Variants in ICA1L observed in about 807,000 individuals in gnomAD.
ICA1L encodes islet cell autoantigen 1 like.
A neutral mutation model predicts 61.3 loss-of-function variants in ICA1L; 50 were observed. The ratio of observed to expected loss-of-function variants is 0.82; its 90% CI spans 0.65 to 1.03. ICA1L has a LOEUF of 1.03. Among genes scored for constraint, ICA1L ranks in the 50% least tolerant of loss-of-function variants. The pLI is 0.00. For missense variants in ICA1L, 508 were observed against 556.7 expected (o/e 0.91, Z 0.88); for synonymous variants, 161 against 191.3 (o/e 0.84, Z 1.31).
intron 9 of ICA1L, among the ~76,000 whole-genome samples, chr2:202,808,881 A>G (rs554612628): frequency 3.3e-5 from 5 of 152,334 alleles, no homozygotes; most frequent in Admixed American, 6.5e-5. Flanking sequence ...CAACAACTCA[A>G]TGTTCTTTGA....
Position 202,779,414 on chromosome 2 carries a change from G to GTGT in ICA1L, c.*116_*118dup, listed in dbSNP as rs1318299859. On this transcript the variant is annotated 3_prime_UTR_variant, in exon 13 of 13. Coordinates refer to ENST00000358299, the MANE Select transcript of ICA1L (RefSeq NM_001288622.3). ...CCATCTGTCTAAAGTTGGCTGACAG[G>GTGT]TGTTATATTCACAAACACCGTGCTT... 33 of 587,564 alleles carry GTGT rather than the reference G, an allele frequency of 5.6e-5. 1 individual carries two copies. The highest frequency in any genetic ancestry group is 9.3e-5 in the Non-Finnish European group (31 of 335,062). 36.4% of individuals were successfully genotyped at this position (587,564 alleles called of 1,614,324 possible).
intron 1 of ICA1L, among the ~76,000 whole-genome samples, chr2:202,869,350 CTG>C (rs1687626418): frequency 6.6e-6 from 1 of 152,040 alleles, no homozygotes; most frequent in African/African-American, 2.4e-5. Flanking sequence ...GAGCGAGACT[CTG>C]TCTCAAAAAA....
Position 202,785,937 on chromosome 2 carries a change from A to C in ICA1L, c.1314T>G (p.Ser438Arg). Residue 438 changes from serine (S) to arginine (R), a missense_variant, in exon 12 of 13, where the codon AGT (serine) becomes AGG (arginine). Transcript: ENST00000358299. ...HTDNQPVPSQ[S>R]PKKLTRSPNN... is the part of the protein sequence containing the mutation. The stretch of plus-strand genomic sequence containing the variant: ...ACTTACATCTTGTTAATTTCTTTGG[A>C]CTCTGTGAAGGCACTGGCTGGTTAT... The C allele has an allele frequency of 6.3e-7, 1 of 1,592,298 alleles. No homozygotes were observed. Among genetic ancestry groups the C allele is most frequent in the Non-Finnish European group, 8.6e-7 (1 of 1,162,388 alleles).
chr2:202,804,345 G>A (rs1273728642), intron 9 of ICA1L, among the ~76,000 whole-genome samples: 1 of 152,222 alleles, frequency 6.6e-6, no homozygotes, highest in African/African-American at 2.4e-5. Flanking sequence ...AGCTGTGTAA[G>A]GGATAAAAAT....
chr2:202,812,868 T>C (rs1693418931), intron 8 of ICA1L, among the ~76,000 whole-genome samples: 1 of 152,182 alleles, frequency 6.6e-6, no homozygotes, highest in South Asian at 2.1e-4. Flanking sequence ...CTCATAATGC[T>C]AAAGATACAT....
At chr2:202,852,333 C>G (rs1287929760) in intron 1 of ICA1L, among the ~76,000 whole-genome samples, 1 of 152,050 alleles carries the variant, frequency 6.6e-6, no homozygotes, top group Non-Finnish European at 1.5e-5. Flanking sequence ...CACTGTCTTC[C>G]ACAATGGTTG....
chr2:202,773,648 T>A lies in ICA1L; in HGVS notation c.*5885A>T. 1.4e-6 allele frequency: 1 copy of A among 703,088 alleles called. No individual in the cohort carries two copies. Among genetic ancestry groups the A allele is most frequent in the Non-Finnish European group, 2.4e-6 (1 of 416,044 alleles). 43.6% of individuals were successfully genotyped at this position (703,088 alleles called of 1,614,324 possible). A position where few individuals can be genotyped will look rare whatever the true frequency, so the allele number is the denominator to read the frequency against. On this transcript the variant is annotated 3_prime_UTR_variant, in exon 13 of 13. Coordinates refer to ENST00000358299, the MANE Select transcript of ICA1L (RefSeq NM_001288622.3). Reference sequence around the variant, plus strand: ...CCTCTTTCCCACAAACTAAATTCCATCCATTTGAGCTTTCAGAGATAGATG... The same window carrying A: ...CCTCTTTCCCACAAACTAAATTCCAACCATTTGAGCTTTCAGAGATAGATG...
chr2:202,864,608 T>C (rs535055639), intron 1 of ICA1L, among the ~76,000 whole-genome samples: 1 of 151,442 alleles, frequency 6.6e-6, no homozygotes, highest in South Asian at 2.1e-4. Context: ...TGTATGTATA[T>C]GTGTGTGTGT....
intron 9 of ICA1L, among the ~76,000 whole-genome samples, chr2:202,804,310 G>A (rs1434004036): frequency 6.6e-6 from 1 of 152,202 alleles, no homozygotes; most frequent in East Asian, 1.9e-4. Context: ...CCAGCCAATG[G>A]AGACAGGACA....
chr2:202,786,318 G>A (rs1447660752), intron 11 of ICA1L, among the ~76,000 whole-genome samples: 3 of 151,386 alleles, frequency 2.0e-5, no homozygotes, highest in African/African-American at 4.9e-5. Flanking sequence ...AGGCCGAGGC[G>A]GGTGGATCAT....
At chr2:202,796,015 C>T (rs1420937212) in intron 10 of ICA1L, among the ~76,000 whole-genome samples, 1 of 150,746 alleles carries the variant, frequency 6.6e-6, no homozygotes, top group Non-Finnish European at 1.5e-5. Context: ...TGCTCTTCAG[C>T]CTGGATGACA....
In ICA1L at chr2:202,773,825, T is replaced by C; in HGVS notation, c.*5708A>G. The C allele has an allele frequency of 7.2e-7, 1 of 1,382,364 alleles. No individual in the cohort carries two copies. The highest frequency in any genetic ancestry group is 1.7e-5 in the Admixed American group (1 of 59,310). 85.6% of individuals were successfully genotyped at this position (1,382,364 alleles called of 1,614,324 possible). A position where few individuals can be genotyped will look rare whatever the true frequency, so the allele number is the denominator to read the frequency against. ...GCAGGCTGTAAAAGCAAAGGCTAGCTGTGCAAGTGCAGCCCTGTGGGAAGT... is the reference window on the plus strand; with the variant it reads ...GCAGGCTGTAAAAGCAAAGGCTAGCCGTGCAAGTGCAGCCCTGTGGGAAGT... On this transcript the variant is annotated 3_prime_UTR_variant, in exon 13 of 13. Transcript: ENST00000358299.
intron 7 of ICA1L, among the ~76,000 whole-genome samples, chr2:202,815,144 A>T (rs1486315957): frequency 6.6e-6 from 1 of 152,240 alleles, no homozygotes; most frequent in African/African-American, 2.4e-5. Flanking sequence ...ATTGGATATA[A>T]AATTTGCCTA....
intron 8 of ICA1L, among the ~76,000 whole-genome samples, chr2:202,812,338 G>A (rs952925486): frequency 1.3e-5 from 2 of 152,184 alleles, no homozygotes; most frequent in Admixed American, 6.5e-5. Flanking sequence ...CAGCACTTTC[G>A]GAGGCTGAGA....
At chr2:202,798,282 C>T (rs1198601114) in intron 9 of ICA1L, among the ~76,000 whole-genome samples, 2 of 152,040 alleles carry the variant, frequency 1.3e-5, no homozygotes, top group Non-Finnish European at 2.9e-5. Flanking sequence ...GGATGGAGTG[C>T]AATGGTGTGA....
chr2:202,808,858 A>G (rs1202984679), intron 9 of ICA1L, among the ~76,000 whole-genome samples: 1 of 152,218 alleles, frequency 6.6e-6, no homozygotes, highest in Non-Finnish European at 1.5e-5. Flanking sequence ...ACAATGACCA[A>G]AGATTTAGAT....
intron 8 of ICA1L, among the ~76,000 whole-genome samples, chr2:202,812,143 T>G (rs1337917738): frequency 6.6e-6 from 1 of 152,184 alleles, no homozygotes; most frequent in African/African-American, 2.4e-5. Context: ...ATCAAGGGAA[T>G]GAAGAACTCC....
At chr2:202,844,017 A>T (rs1694404427) in intron 1 of ICA1L, among the ~76,000 whole-genome samples, 1 of 152,144 alleles carries the variant, frequency 6.6e-6, no homozygotes, top group Non-Finnish European at 1.5e-5. Context: ...TGATTGTTGA[A>T]TAGAATTCCA....
chr2:202,819,070 T>C (rs1195063546), intron 5 of ICA1L, among the ~76,000 whole-genome samples: 1 of 152,224 alleles, frequency 6.6e-6, no homozygotes, highest in Non-Finnish European at 1.5e-5. Context: ...CTGTTGTGTG[T>C]AATCAATGAG....
Sources: allele counts gnomAD v4.1 joint callset (sites outside exome capture counted in the v4.1 genomes callset), GRCh38; gene constraint gnomAD v4.1.1; transcripts MANE v1.5; gene names NCBI Gene and HGNC (gene_info 2026-07-23, HGNC 2026-07-21).